ULK1: variants seen among roughly 807,000 people sequenced by gnomAD.
ULK1 encodes the protein unc-51 like autophagy activating kinase 1.
Under a neutral mutation model 117.5 loss-of-function variants are expected in ULK1, and 48 were observed. That is an observed-to-expected ratio of 0.41 (90% CI 0.32 to 0.52). ULK1 has a LOEUF of 0.52. Ranked by LOEUF, ULK1 falls within the 20% of genes least tolerant of loss-of-function variation. The pLI is 0.29. For synonymous variants in ULK1, 790 were observed against 637.8 expected (o/e 1.24, Z -3.60); for missense variants, 1,387 against 1,473.4 (o/e 0.94, Z 0.96).
chr12:131,896,554 T>TGCC (rs900433474), intron 3 of ULK1: 4 of 152,446 alleles, frequency 2.6e-5, no homozygotes, highest in Admixed American at 1.3e-4. Flanking sequence ...AGGGAAGGGC[T>TGCC]GGCAGGCCGT....
At chr12:131,920,304 C>T (rs761250775) in intron 26 of ULK1, 168 bp downstream of exon 26, 220 of 878,858 alleles carry the variant, frequency 2.5e-4, no homozygotes, top group Middle Eastern at 1.1e-3. Flanking sequence ...TGCAGGCGCT[C>T]GCAGCTCGGC....
intron 13 of ULK1, among the ~76,000 whole-genome samples, chr12:131,912,337 C>T (rs1889576647): frequency 6.6e-6 from 1 of 152,214 alleles, no homozygotes; most frequent in Non-Finnish European, 1.5e-5. Flanking sequence ...TCTCCTTAGA[C>T]AGTGCTGCTC....
rs540597298 is a variant in ULK1 at position 131,917,519 on chromosome 12, C to T, written c.2291C>T (p.Thr764Met). The change falls in exon 22 of 28, where the codon ACG becomes ATG. Residue 764 changes from threonine (T) to methionine (M), a missense_variant. Thr to Met is a moderately conservative substitution (Grantham distance 81, BLOSUM62 -1). This residue lies in a region of ULK1 where 900 missense variants were observed against 858.9 expected (regional missense o/e 1.05). Transcript: ENST00000321867. Reference protein sequence around the residue: ...FTVGSPPSGSTPPQGPRTRMF... With the variant: ...FTVGSPPSGSMPPQGPRTRMF... Reference sequence around the variant, plus strand: ...GTGGGCTCTCCCCCGAGCGGGAGCACGCCCCCCCAGGGCCCCCGCACCAGG... The same window carrying T: ...GTGGGCTCTCCCCCGAGCGGGAGCATGCCCCCCCAGGGCCCCCGCACCAGG... 4.7e-5 allele frequency: 68 copies of T among 1,460,482 alleles called. No individual in the cohort carries two copies. The highest frequency in any genetic ancestry group is 9.9e-5 in the Admixed American group (4 of 40,310). The allele number at this position is 1,460,482 out of a possible 1,614,324, so 90.5% of individuals were successfully genotyped here. A position where few individuals can be genotyped will look rare whatever the true frequency, so the allele number is the denominator to read the frequency against.
At chr12:131,897,739 A>G (rs1049871455) in intron 3 of ULK1, 4 of 149,166 alleles carry the variant, frequency 2.7e-5, no homozygotes, top group African/African-American at 9.7e-5. Context: ...CTCTCTAAAA[A>G]AAAGAAAAAA....
intron 18 of ULK1, 65 bp downstream of exon 18, chr12:131,915,486 G>A: frequency 1.3e-6 from 2 of 1,557,786 alleles, no homozygotes; most frequent in Non-Finnish European, 1.7e-6. Context: ...TTGTCATCCT[G>A]GTCTAAAGCC....
Position 131,911,985 on chromosome 12 carries a change from C to G in ULK1, c.992C>G (p.Pro331Arg). 1.2e-6 allele frequency: 2 copies of G among 1,612,898 alleles called. No individual in the cohort carries two copies. Among genetic ancestry groups the G allele is most frequent in the Non-Finnish European group, 1.7e-6 (2 of 1,179,992 alleles). The stretch of plus-strand genomic sequence containing the variant: ...CAGCTGCAGAAGACCCTGGCCTCCC[C>G]GGCTGACACCGCTGGCTTCCTGCAC... ...MQQLQKTLAS[P>R]ADTAGFLHSS... The change falls in exon 13 of 28, where the codon CCG (proline) becomes CGG (arginine). Residue 331 changes from proline (P) to arginine (R), a missense_variant. Pro to Arg is a moderately radical substitution (Grantham distance 103). Around this residue, in one of 4 missense-constraint regions of ULK1, gnomAD observed 260 missense variants for 271.6 expected, o/e 0.96. Transcript: ENST00000321867.
rs1308273187 is a variant in ULK1 at position 131,914,456 on chromosome 12, C to A, written c.1352C>A (p.Pro451His). The A allele has an allele frequency of 6.2e-7, 1 of 1,612,580 alleles. No individual in the cohort carries two copies. Among genetic ancestry groups the A allele is most frequent in the Non-Finnish European group, 8.5e-7 (1 of 1,179,914 alleles). Residue 451 changes from proline to histidine, a missense_variant, in exon 16 of 28, where the codon CCC (proline) becomes CAC (histidine). By Grantham distance (77) the Pro-to-His change is moderately conservative (BLOSUM62 -2). This residue lies in a region of ULK1 where 900 missense variants were observed against 858.9 expected (regional missense o/e 1.05). Transcript: ENST00000321867. ...YQRIERNLQS[P>H]TQFQTPRSSA... ...CGCATTGAGCGAAACCTGCAGTCAC[C>A]CACCCAGTTCCAAACACCTCGGTGA...
chr12:131,906,315 T>G (rs556853334), intron 3 of ULK1, among the ~76,000 whole-genome samples: 2 of 152,274 alleles, frequency 1.3e-5, no homozygotes, highest in East Asian at 3.9e-4. Flanking sequence ...GGTCTCGAAC[T>G]GCTGACCTCA....
chr12:131,904,772 T>A (rs146871051), intron 3 of ULK1, among the ~76,000 whole-genome samples: 2,289 of 152,146 alleles, frequency 0.015, 28 homozygotes, highest in South Asian at 0.024. Flanking sequence ...AGGAGAAATG[T>A]GGGCACCTAT....
intron 26 of ULK1, chr12:131,920,368 C>T: frequency 1.9e-6 from 1 of 532,784 alleles, no homozygotes; most frequent in African/African-American, 1.9e-5. Flanking sequence ...CCTGCCTCGC[C>T]CCGACTCAGT....
chr12:131,916,535 T>G lies in ULK1; in HGVS notation c.2016T>G (p.Gly672=). The change falls in exon 20 of 28, where the codon GGT becomes GGG. Residue 672 remains glycine, a synonymous_variant. Coordinates refer to ENST00000321867, the MANE Select transcript of ULK1 (RefSeq NM_003565.4). The part of the protein sequence containing the change: ...PDLSEVGPFH[G]QPLGPGLRPG... ...TCTCGGAGGTGGGACCCTTCCATGG[T>G]CAGCCGTTGGGCCCTGGCCTGCGGC... The G allele has an allele frequency of 6.2e-7, 1 of 1,610,152 alleles. No individual in the cohort carries two copies. Among genetic ancestry groups the G allele is most frequent in the Non-Finnish European group, 8.5e-7 (1 of 1,179,498 alleles).
rs1284725691 is a variant in ULK1, at chr12:131,909,826, G to C, written c.718G>C (p.Val240Leu). The change falls in exon 9 of 28, where the codon GTC (valine) becomes CTC (leucine). Residue 240 changes from valine (V) to leucine (L), a missense_variant. Transcript: ENST00000321867. ...GTTCTACGAGAAGAACAAGACGTTGGTCCCCACGTAAGCACCCTCCCGCCT... is the reference window on the plus strand; with the variant it reads ...GTTCTACGAGAAGAACAAGACGTTGCTCCCCACGTAAGCACCCTCCCGCCT... ...RLFYEKNKTLVPTIPRETSAP... is the reference protein window; with the variant it reads ...RLFYEKNKTLLPTIPRETSAP... The C allele has an allele frequency of 6.2e-7, 1 of 1,611,450 alleles. No individual in the cohort carries two copies. Among genetic ancestry groups the C allele is most frequent in the Non-Finnish European group, 8.5e-7 (1 of 1,179,448 alleles).
At chr12:131,906,799 G>A (rs1889294452) in intron 3 of ULK1, 93 bp from the exon 4 acceptor site, 2 of 1,539,056 alleles carry the variant, frequency 1.3e-6, no homozygotes, top group Admixed American at 3.3e-5. Context: ...GGCACTGCAG[G>A]GCCTGCCCAG....
intron 14 of ULK1, among the ~76,000 whole-genome samples, chr12:131,913,523 G>A (rs886410317): frequency 6.6e-5 from 10 of 152,022 alleles, no homozygotes; most frequent in African/African-American, 2.4e-4. Flanking sequence ...GTGAAACCCC[G>A]TCTCTACTGA....
chr12:131,909,853 C>G lies in ULK1; in HGVS notation c.725+20C>G, dbSNP rs778397425. The G allele has an allele frequency of 4.3e-6, 7 of 1,610,476 alleles. No homozygotes were observed. The highest frequency in any genetic ancestry group is 3.3e-5 in the South Asian group (3 of 90,916). The stretch of plus-strand genomic sequence containing the variant: ...CCCCACGTAAGCACCCTCCCGCCTT[C>G]CCTTCCCTTCCCCCGCGGGCTCCGG... On this transcript the variant is annotated intron_variant, in intron 9 of 27. Coordinates refer to ENST00000321867, the MANE Select transcript of ULK1 (RefSeq NM_003565.4).
chr12:131,907,372 G>T (rs918939961), intron 4 of ULK1, 123 bp from the exon 5 acceptor site: 14 of 1,250,282 alleles, frequency 1.1e-5, no homozygotes, highest in African/African-American at 1.5e-5. Flanking sequence ...CCTGCCCTGG[G>T]CTGGGCAGGT....
chr12:131,911,888 C>T, intron 12 of ULK1, 54 bp from the exon 13 acceptor site: 3 of 1,611,968 alleles, frequency 1.9e-6, no homozygotes, highest in South Asian at 1.1e-5. Flanking sequence ...AATTTGCTCC[C>T]CTGAGTGTGT....
intron 5 of ULK1, 36 bp downstream of exon 5, chr12:131,907,567 G>A (rs747767934): frequency 2.5e-5 from 40 of 1,598,322 alleles, no homozygotes; most frequent in Middle Eastern, 1.9e-4. Flanking sequence ...GCTGCCAGCC[G>A]GTCCCACAGG....
rs1440390819 is a variant in ULK1 at position 131,922,235 on chromosome 12, G to C, written c.*874G>C. 1 of 359,078 alleles carries C rather than the reference G, an allele frequency of 2.8e-6. No homozygotes were observed. Among genetic ancestry groups the C allele is most frequent in the Non-Finnish European group, 5.6e-6 (1 of 179,988 alleles). 22.2% of individuals were successfully genotyped at this position (359,078 alleles called of 1,614,324 possible). ...ATTGGTTTTGGGAGGGCGAGGACTG[G>C]GCCAGGTTAGAGGCAGATGGCACAG... On this transcript the variant is annotated 3_prime_UTR_variant, in exon 28 of 28. Coordinates refer to ENST00000321867, the MANE Select transcript of ULK1 (RefSeq NM_003565.4).
Sources: gnomAD v4.1 joint callset for allele counts (sites outside exome capture counted in the v4.1 genomes callset) on GRCh38, gnomAD v4.1.1 for gene constraint, gnomAD v4.1.1 regional missense constraint, MANE v1.5 for transcripts, NCBI Gene and HGNC (gene_info 2026-07-23, HGNC 2026-07-21) for gene names.